Variants in KIAA1217 observed in about 807,000 individuals in gnomAD.
KIAA1217 encodes sickle tail protein homolog.
KIAA1217 carries 88 observed loss-of-function variants against 163.9 expected under a neutral mutation model. The ratio of observed to expected loss-of-function variants is 0.54; its 90% CI spans 0.45 to 0.64. The LOEUF is 0.64. Among genes scored for constraint, KIAA1217 ranks in the 30% least tolerant of loss-of-function variants. KIAA1217 has a pLI of 0.00. For synonymous variants in KIAA1217, 903 were observed against 923.1 expected, an observed-to-expected ratio of 0.98 and a Z score of 0.39; for missense variants, 2,372 against 2,475.0, an observed-to-expected ratio of 0.96 and a Z score of 0.88.
intron 1 of KIAA1217, among the ~76,000 whole-genome samples, chr10:24,004,382 C>T (rs924460737): frequency 2.0e-5 from 3 of 152,042 alleles, no homozygotes; most frequent in Non-Finnish European, 4.4e-5. Context: ...CACAAATGTT[C>T]TTATTCATTC....
In KIAA1217 at chr10:24,473,831, A is replaced by T; in HGVS notation, c.1450A>T (p.Ile484Leu). 14 of 1,614,146 alleles carry T rather than the reference A, an allele frequency of 8.7e-6. No individual in the cohort carries two copies. Among genetic ancestry groups the T allele is most frequent in the Non-Finnish European group, 1.2e-5 (14 of 1,180,020 alleles). The part of the protein sequence containing the change: ...SPHRVSDLRM[I>L]DMHAHYNAHG... Reference sequence around the variant, plus strand: ...TCACAGAGTCAGTGACCTGAGGATGATAGACATGCACGCTCACTATAATGC... The same window carrying T: ...TCACAGAGTCAGTGACCTGAGGATGTTAGACATGCACGCTCACTATAATGC... Residue 484 changes from isoleucine to leucine, a missense_variant, in exon 6 of 21, where the codon ATA (isoleucine) becomes TTA (leucine). By Grantham distance (5) the Ile-to-Leu change is conservative (BLOSUM62 2). Around this residue, in one of 3 missense-constraint regions of KIAA1217, gnomAD observed 1,431 missense variants for 1,470.3 expected, o/e 0.97. Transcript: ENST00000376454.
intron 1 of KIAA1217, among the ~76,000 whole-genome samples, chr10:23,983,007 G>A (rs1177244618): frequency 6.6e-6 from 1 of 152,014 alleles, no homozygotes; most frequent in African/African-American, 2.4e-5. Context: ...GCTGGGTTGG[G>A]TTCAGGTTTG....
At chr10:24,294,738 C>G (rs1359632979) in intron 2 of KIAA1217, among the ~76,000 whole-genome samples, 1 of 152,146 alleles carries the variant, frequency 6.6e-6, no homozygotes, top group Non-Finnish European at 1.5e-5. Flanking sequence ...TCCATTTAGT[C>G]TTCTGCATAC....
intron 3 of KIAA1217, among the ~76,000 whole-genome samples, chr10:24,408,385 C>A (rs2057432289): frequency 2.6e-5 from 4 of 152,160 alleles, no homozygotes; most frequent in Non-Finnish European, 2.9e-5. Flanking sequence ...CCACCACCAC[C>A]TCTTGCTGGG....
At chr10:24,498,477 A>G (rs192408768) in intron 8 of KIAA1217, among the ~76,000 whole-genome samples, 29 of 152,228 alleles carry the variant, frequency 1.9e-4, no homozygotes, top group African/African-American at 6.5e-4. Context: ...AATATAGGAG[A>G]TTAAGAGGTT....
chr10:24,312,298 T>C (rs2042798434), intron 2 of KIAA1217, among the ~76,000 whole-genome samples: 1 of 147,824 alleles, frequency 6.8e-6, no homozygotes, highest in Non-Finnish European at 1.5e-5. Flanking sequence ...TGGAACTTCA[T>C]GTCATAGATT....
At chr10:24,202,258 T>C (rs1041813698) in intron 2 of KIAA1217, among the ~76,000 whole-genome samples, 1 of 152,178 alleles carries the variant, frequency 6.6e-6, no homozygotes, top group Non-Finnish European at 1.5e-5. Context: ...ATTTCAGTGT[T>C]TATTTGGCAG....
intron 7 of KIAA1217, chr10:24,494,893 C>A: frequency 1.7e-6 from 1 of 577,922 alleles, no homozygotes. Context: ...TGCCTGCAAC[C>A]ACCACCCTTG....
At chr10:24,274,129 A>G (rs1296508878) in intron 2 of KIAA1217, among the ~76,000 whole-genome samples, 2 of 152,344 alleles carry the variant, frequency 1.3e-5, no homozygotes, top group Middle Eastern at 3.4e-3. Flanking sequence ...AAAGTGACTG[A>G]TGCTTATTTT....
chr10:23,840,225 G>C (rs1838705574), intron 1 of KIAA1217, among the ~76,000 whole-genome samples: 1 of 151,064 alleles, frequency 6.6e-6, no homozygotes, highest in Non-Finnish European at 1.5e-5. Context: ...GTACGATCTT[G>C]GCTCACTGCA....
At chr10:23,812,459 T>A (rs1355011168) in intron 1 of KIAA1217, among the ~76,000 whole-genome samples, 2 of 151,924 alleles carry the variant, frequency 1.3e-5, no homozygotes, top group African/African-American at 4.8e-5. Context: ...GGTTAATAGA[T>A]GAAATAATGA....
intron 2 of KIAA1217, among the ~76,000 whole-genome samples, chr10:24,243,834 A>G (rs1261173274): frequency 6.6e-6 from 1 of 152,192 alleles, no homozygotes; most frequent in East Asian, 1.9e-4. Context: ...ATATATACAT[A>G]TAGATCCTGT....
At chr10:24,360,084 T>C (rs548779308) in intron 2 of KIAA1217, among the ~76,000 whole-genome samples, 24 of 142,788 alleles carry the variant, frequency 1.7e-4, no homozygotes, top group African/African-American at 6.3e-4. Context: ...TCTTACTCTG[T>C]CGCCCAGGCC....
chr10:24,304,129 ATT>A lies in KIAA1217; in HGVS notation c.355-76726_355-76725del, dbSNP rs5783885. 2.5e-3 allele frequency among the ~76,000 whole-genome samples: 337 copies of A among 136,866 alleles called. No homozygotes were observed. The Middle Eastern group carries it at 0.034, about 14-fold the overall frequency. 89.8% of individuals were successfully genotyped at this position (136,866 alleles called of 152,430 possible). A position where few individuals can be genotyped will look rare whatever the true frequency, so the allele number is the denominator to read the frequency against. ...GACTACAGCTGTGTGAATCCTCCAC[ATT>A]TTTTTTTTTTTTTGCATGGAAAAGT... is the stretch of plus-strand genomic sequence containing the variant. On this transcript the variant is annotated intron_variant, in intron 2 of 20. Transcript: ENST00000376454.
intron 2 of KIAA1217, among the ~76,000 whole-genome samples, chr10:24,149,289 C>T (rs1028063060): frequency 6.6e-6 from 1 of 152,136 alleles, no homozygotes; most frequent in African/African-American, 2.4e-5. Context: ...AAGCAATTCT[C>T]CTGCCTCAGC....
In KIAA1217 at chr10:24,384,995, C is replaced by T. The variant is rs80346479; in HGVS notation, c.553+3928C>T. Among the ~76,000 whole-genome samples the T allele has an allele frequency of 9.3e-3, 1,416 of 152,318 alleles. 48 individuals are homozygous for T. The East Asian group carries it at 0.1, about 11-fold the overall frequency. Reference sequence around the variant, plus strand: ...CATCAGACACTGTTACTGCCAGCCCCCAGCCACGGGGCCTGGAGTAAGGAG... The same window carrying T: ...CATCAGACACTGTTACTGCCAGCCCTCAGCCACGGGGCCTGGAGTAAGGAG... On this transcript the variant is annotated intron_variant, in intron 3 of 20. Transcript: ENST00000376454.
At position 24,399,351 on chromosome 10, in the gene KIAA1217, T is replaced by G. The variant is rs548491535; in HGVS notation, c.553+18284T>G. ...TGTGACGTACTCACTTTTAACTTATTCTTTTTACCGATGATGTTAACTCAA... is the reference window on the plus strand; with the variant it reads ...TGTGACGTACTCACTTTTAACTTATGCTTTTTACCGATGATGTTAACTCAA... On this transcript the variant is annotated intron_variant, in intron 3 of 20. Coordinates refer to ENST00000376454, the MANE Select transcript of KIAA1217 (RefSeq NM_019590.5). 2.6e-5 allele frequency among the ~76,000 whole-genome samples: 4 copies of G among 152,346 alleles called. No individual in the cohort carries two copies. In the South Asian group the frequency reaches 6.2e-4, roughly 24 times the overall value.
intron 2 of KIAA1217, among the ~76,000 whole-genome samples, chr10:24,299,638 G>T (rs1336582962): frequency 6.6e-6 from 1 of 152,100 alleles, no homozygotes; most frequent in African/African-American, 2.4e-5. Context: ...GAGTTAATGT[G>T]ATCTTCTCAC....
At chr10:23,758,649 C>CT (rs1834055030) in intron 1 of KIAA1217, among the ~76,000 whole-genome samples, 1 of 89,296 alleles carries the variant, frequency 1.1e-5, no homozygotes, top group Admixed American at 1.2e-4. Flanking sequence ...TCTCTCTCCC[C>CT]CTCCCTCCCT....
Sources: gnomAD v4.1 joint callset for allele counts (sites outside exome capture counted in the v4.1 genomes callset) on GRCh38, gnomAD v4.1.1 for gene constraint, gnomAD v4.1.1 regional missense constraint, MANE v1.5 for transcripts, NCBI Gene and HGNC (gene_info 2026-07-23, HGNC 2026-07-21) for gene names.